Variants in ACBD3 observed in about 807,000 individuals in gnomAD.
ACBD3 encodes acyl-CoA binding domain containing 3, also known as Golgi resident protein GCP60.
In ACBD3, 30 loss-of-function variants were observed where a neutral mutation model predicts 66.9. The ratio of observed to expected loss-of-function variants is 0.45; its 90% CI spans 0.34 to 0.61. The LOEUF (loss-of-function observed/expected upper bound fraction) is 0.61. Among genes scored for constraint, ACBD3 ranks in the 20% least tolerant of loss-of-function variants. The pLI, the probability that ACBD3 is intolerant of heterozygous loss-of-function variation, is 0.02. For missense variants in ACBD3, 544 were observed against 664.5 expected (o/e 0.82, Z 1.99); for synonymous variants, 278 against 259.8 (o/e 1.07, Z -0.68).
At chr1:226,158,991 C>T (rs1311441106) in intron 5 of ACBD3, among the ~76,000 whole-genome samples, 193 bp downstream of exon 5, 3 of 152,232 alleles carry the variant, frequency 2.0e-5, no homozygotes, top group African/African-American at 4.8e-5. Context: ...TCATCGGTTG[C>T]TTCGATAACA....
intron 1 of ACBD3, among the ~76,000 whole-genome samples, chr1:226,177,044 T>A (rs1157983345): frequency 6.6e-6 from 1 of 150,940 alleles, no homozygotes; most frequent in Non-Finnish European, 1.5e-5. Context: ...CATTCAGCCG[T>A]GAGTAACAGG....
intron 7 of ACBD3, among the ~76,000 whole-genome samples, chr1:226,147,158 G>A (rs1163880652): frequency 4.6e-5 from 7 of 152,132 alleles, no homozygotes; most frequent in Admixed American, 1.3e-4. Flanking sequence ...CCAAAGTGCT[G>A]GGATTACAGG....
In ACBD3 at chr1:226,186,560, A is replaced by AGCG. The variant is rs1487457007; in HGVS notation, c.113_115dup (p.Pro38dup). On this transcript the variant is annotated inframe_insertion, in exon 1 of 8. Transcript: ENST00000366812. ...GGATCCAGGTGGCGAGGGCGGTGGC[A>AGCG]GCGGTGGCGGCAGCAGCGGGGCGCC... 5.1e-6 allele frequency: 7 copies of AGCG among 1,360,848 alleles called. No individual in the cohort carries two copies. The highest frequency in any genetic ancestry group is 6.6e-6 in the Non-Finnish European group (7 of 1,061,916). The allele number at this position is 1,360,848 out of a possible 1,614,324, so 84.3% of individuals were successfully genotyped here.
At chr1:226,166,943 TG>T (rs1191528736) in intron 1 of ACBD3, among the ~76,000 whole-genome samples, 2 of 152,094 alleles carry the variant, frequency 1.3e-5, no homozygotes, top group African/African-American at 4.8e-5. Flanking sequence ...ACTACAGGCA[TG>T]TGCCACCACA....
At chr1:226,162,026 A>T (rs988786449) in intron 3 of ACBD3, among the ~76,000 whole-genome samples, 14 of 152,210 alleles carry the variant, frequency 9.2e-5, no homozygotes, top group Non-Finnish European at 1.5e-5. Context: ...TGCTGTCATT[A>T]TAATTAAATT....
chr1:226,150,571 G>A (rs1219668), intron 7 of ACBD3, among the ~76,000 whole-genome samples: 31,362 of 152,012 alleles, frequency 0.21, 3,346 homozygotes, highest in South Asian at 0.37. Flanking sequence ...TAGAGACAGG[G>A]CTTCACCATG....
intron 7 of ACBD3, 110 bp from the exon 8 acceptor site, chr1:226,146,931 A>T (rs902553026): frequency 8.3e-6 from 9 of 1,080,608 alleles, no homozygotes; most frequent in African/African-American, 4.7e-5. Flanking sequence ...TTGCTCTGTC[A>T]CCCAGGATGG....
intron 6 of ACBD3, among the ~76,000 whole-genome samples, chr1:226,153,128 A>C (rs1258878275): frequency 1.3e-5 from 2 of 152,346 alleles, no homozygotes; most frequent in East Asian, 3.9e-4. Context: ...CAGGATTAGA[A>C]CCACTAGGGA....
chr1:226,150,654 G>A (rs1220019892), intron 7 of ACBD3, among the ~76,000 whole-genome samples: 1 of 152,200 alleles, frequency 6.6e-6, no homozygotes, highest in Non-Finnish European at 1.5e-5. Context: ...TGGGATTACA[G>A]GCGTGAGCCA....
chr1:226,166,756 G>T (rs930909259), intron 1 of ACBD3, among the ~76,000 whole-genome samples: 1 of 152,082 alleles, frequency 6.6e-6, no homozygotes, highest in Non-Finnish European at 1.5e-5. Flanking sequence ...CAAAGTGCTG[G>T]CATTACAAGT....
rs1403545140 is a variant in ACBD3, at chr1:226,152,540, A to G, written c.1170T>C (p.Asp390=). 1.2e-6 allele frequency: 2 copies of G among 1,614,112 alleles called. No homozygotes were observed. Among genetic ancestry groups the G allele is most frequent in the Non-Finnish European group, 1.7e-6 (2 of 1,180,060 alleles). Residue 390 remains aspartate, a synonymous_variant, in exon 7 of 8, where the codon GAT becomes GAC. Coordinates refer to ENST00000366812, the MANE Select transcript of ACBD3 (RefSeq NM_022735.4). ...IKDFKEKIQQ[D]ADSVITVGRG... ...GGCCCACTGTAATCACGGAATCTGC[A>G]TCCTGCTGAATCTTCTCTTTGAAGT...
intron 7 of ACBD3, among the ~76,000 whole-genome samples, chr1:226,150,904 G>A (rs945193590): frequency 1.3e-5 from 2 of 152,198 alleles, no homozygotes; most frequent in African/African-American, 4.8e-5. Flanking sequence ...AAGATGTACT[G>A]AAATTTCTGG....
chr1:226,183,509 G>A (rs1421907177), intron 1 of ACBD3, among the ~76,000 whole-genome samples: 1 of 152,010 alleles, frequency 6.6e-6, no homozygotes, highest in Admixed American at 6.6e-5. Context: ...TCTAATTCTC[G>A]TGAGATACTG....
At chr1:226,183,377 T>G (rs1447177864) in intron 1 of ACBD3, among the ~76,000 whole-genome samples, 1 of 151,702 alleles carries the variant, frequency 6.6e-6, no homozygotes, top group African/African-American at 2.4e-5. Flanking sequence ...ACAGATGAGG[T>G]TTCACCGTGT....
chr1:226,157,508 G>C (rs1372356468), intron 5 of ACBD3, among the ~76,000 whole-genome samples: 1 of 152,084 alleles, frequency 6.6e-6, no homozygotes, highest in Non-Finnish European at 1.5e-5. Context: ...CAAAGTGCTG[G>C]GATTACAGGC....
intron 6 of ACBD3, 140 bp downstream of exon 6, chr1:226,154,507 G>C: frequency 1.0e-6 from 1 of 961,696 alleles, no homozygotes; most frequent in Non-Finnish European, 1.5e-6. Flanking sequence ...ATTAGATTCA[G>C]ACTAAAAAGA....
At chr1:226,173,810 G>T (rs1486076886) in intron 1 of ACBD3, among the ~76,000 whole-genome samples, 1 of 137,768 alleles carries the variant, frequency 7.3e-6, no homozygotes, top group Non-Finnish European at 1.5e-5. Flanking sequence ...GCCCAGGCTG[G>T]AGTGCAGTGG....
chr1:226,167,804 C>T (rs1287875789), intron 1 of ACBD3, among the ~76,000 whole-genome samples: 3 of 152,042 alleles, frequency 2.0e-5, no homozygotes, highest in East Asian at 3.8e-4. Context: ...AATATAGAAG[C>T]TGCCAATAAA....
chr1:226,179,640 TG>T (rs1210658008), intron 1 of ACBD3, among the ~76,000 whole-genome samples: 2 of 151,524 alleles, frequency 1.3e-5, no homozygotes, highest in African/African-American at 2.4e-5. Flanking sequence ...GCAGATCACC[TG>T]ATGTTGGGAG....
Sources: allele counts gnomAD v4.1 joint callset (sites outside exome capture counted in the v4.1 genomes callset), GRCh38; gene constraint gnomAD v4.1.1; transcripts MANE v1.5; gene names NCBI Gene and HGNC (gene_info 2026-07-23, HGNC 2026-07-21).